Variants in PPL observed in about 807,000 individuals in gnomAD.
PPL encodes periplakin.
Under a neutral mutation model 194.4 loss-of-function variants are expected in PPL, and 198 were observed. The ratio of observed to expected loss-of-function variants is 1.02; its 90% confidence interval spans 0.91 to 1.15. The LOEUF is 1.15. Ranked by LOEUF, PPL falls within the 50% of genes most tolerant of loss-of-function variation. The pLI, the probability that PPL is intolerant of heterozygous loss-of-function variation, is 0.00. For synonymous variants in PPL, 1,220 were observed against 972.4 expected, an observed-to-expected ratio of 1.25 and a Z score of -4.74; for missense variants, 2,885 against 2,294.8, an observed-to-expected ratio of 1.26 and a Z score of -5.25.
At position 4,884,276 on chromosome 16, in the gene PPL, G is replaced by A. The variant is rs1435190993; in HGVS notation, c.4379C>T (p.Ala1460Val). The change falls in exon 22 of 22, where the codon GCC becomes GTC. Residue 1460 changes from alanine (A) to valine (V), a missense_variant. Ala to Val is a moderately conservative substitution (Grantham distance 64, BLOSUM62 0). Transcript: ENST00000345988. The surrounding 1 kb of genome is among the most constrained non-coding windows in gnomAD (Gnocchi z 5.7). ...QQDPQQAREH[A>V]LLRLQLEEEQ... Reference sequence around the variant, plus strand: ...TTCTTCCAGCTGGAGTCGGAGCAGGGCATGCTCTCGCGCCTGCTGCGGGTC... The same window carrying A: ...TTCTTCCAGCTGGAGTCGGAGCAGGACATGCTCTCGCGCCTGCTGCGGGTC... 1 of 1,612,728 alleles carries A rather than the reference G, an allele frequency of 6.2e-7. No homozygotes were observed. The highest frequency in any genetic ancestry group is 1.7e-5 in the Admixed American group (1 of 59,458).
At chr16:4,908,125 G>A (rs1042596573) in intron 2 of PPL, among the ~76,000 whole-genome samples, 2 of 140,994 alleles carry the variant, frequency 1.4e-5, no homozygotes, top group East Asian at 2.2e-4. Context: ...TAGCACCACT[G>A]CACTCCAGCC....
chr16:4,895,294 G>T lies in PPL; in HGVS notation c.1209C>A (p.Pro403=). The change falls in exon 11 of 22, where the codon CCC becomes CCA. Residue 403 remains proline, a synonymous_variant. Transcript: ENST00000345988. The part of the protein sequence containing the change: ...YRRETPLKPI[P]VEALCDFEGE... The stretch of plus-strand genomic sequence containing the variant: ...CCTCAAAGTCACAGAGTGCCTCCAC[G>T]GGGATGGGCTTGAGCGGAGTCTCCC... The T allele has an allele frequency of 6.8e-6, 11 of 1,611,808 alleles. No individual in the cohort carries two copies. The highest frequency in any genetic ancestry group is 3.3e-4 in the Middle Eastern group (2 of 6,046).
rs746717177 is a variant in PPL, at chr16:4,885,980, G to A, written c.2675C>T (p.Ala892Val). 3.1e-6 allele frequency: 5 copies of A among 1,612,792 alleles called. No individual in the cohort carries two copies. Among genetic ancestry groups the A allele is most frequent in the East Asian group, 2.2e-5 (1 of 44,898 alleles). ...ATCCAGTTCCTTCCTGATCTTCCAC[G>A]CCTCCTCCACTCCAGAGTCCGGCCT... ...RNRPDSGVEEAWKIRKELDEE... is the reference protein window; with the variant it reads ...RNRPDSGVEEVWKIRKELDEE... Residue 892 changes from alanine (A) to valine (V), a missense_variant, in exon 22 of 22, where the codon GCG (alanine) becomes GTG (valine). Transcript: ENST00000345988. This position sits in a 1 kb window ranked among gnomAD's most constrained non-coding sequence, Gnocchi z 6.3.
chr16:4,926,569 C>A (rs1298462681), intron 1 of PPL, among the ~76,000 whole-genome samples: 2 of 152,150 alleles, frequency 1.3e-5, no homozygotes, highest in Non-Finnish European at 2.9e-5. Context: ...GAAAAACACC[C>A]CAATGGGTAT....
chr16:4,926,720 A>C (rs1462198151), intron 1 of PPL, among the ~76,000 whole-genome samples: 2 of 152,062 alleles, frequency 1.3e-5, no homozygotes, highest in African/African-American at 2.4e-5. Context: ...CGATAAATAC[A>C]AAAACAAAAA....
intron 18 of PPL, among the ~76,000 whole-genome samples, 180 bp from the exon 19 acceptor site, chr16:4,889,241 G>GTTTTTTTTTTTTTTTTTTTTT (rs869094472): frequency 4.5e-5 from 3 of 66,636 alleles, no homozygotes; most frequent in African/African-American, 2.3e-4. Flanking sequence ...TGTTGTTGTT[G>GTTTTTTTTTTTTTTTTTTTTT]TTTTTTTTTT....
At position 4,883,254 on chromosome 16, in the gene PPL, G is replaced by A; in HGVS notation, c.*130C>T. The A allele has an allele frequency of 7.7e-7, 1 of 1,299,404 alleles. No individual in the cohort carries two copies. Among genetic ancestry groups the A allele is most frequent in the Non-Finnish European group, 1.1e-6 (1 of 936,536 alleles). The allele number at this position is 1,299,404 out of a possible 1,614,324, so 80.5% of individuals were successfully genotyped here. ...TCATATGTGGGCGGGACTCTGAGCA[G>A]CCTGGCAGCGAGGGTATGTATAAAA... On this transcript the variant is annotated 3_prime_UTR_variant, in exon 22 of 22. Coordinates refer to ENST00000345988, the MANE Select transcript of PPL (RefSeq NM_002705.5). This position sits in a 1 kb window ranked among gnomAD's most constrained non-coding sequence, Gnocchi z 4.8.
chr16:4,902,732 C>T lies in PPL; in HGVS notation c.318-206G>A, dbSNP rs796474080. Among the ~76,000 whole-genome samples, 8 of 151,618 alleles carry T rather than the reference C, an allele frequency of 5.3e-5. No individual in the cohort carries two copies. The highest frequency in any genetic ancestry group is 1.9e-4 in the African/African-American group (8 of 41,364). On this transcript the variant is annotated intron_variant, in intron 3 of 21. Transcript: ENST00000345988. This position sits in a 1 kb window ranked among gnomAD's most constrained non-coding sequence, Gnocchi z 4.0. ...TGAGACAGAGTCTTGCTCTGTCACC[C>T]AGGCTGGAGTACAGTGACGTCATCT...
chr16:4,897,477 G>A (rs921200135), intron 9 of PPL, among the ~76,000 whole-genome samples, 198 bp downstream of exon 9: 1 of 152,146 alleles, frequency 6.6e-6, no homozygotes, highest in Non-Finnish European at 1.5e-5. Flanking sequence ...GGTCCCCAGG[G>A]AAGTTGGACA....
intron 1 of PPL, among the ~76,000 whole-genome samples, chr16:4,921,713 C>T (rs550288065): frequency 1.1e-4 from 17 of 152,228 alleles, no homozygotes; most frequent in African/African-American, 3.9e-4. Flanking sequence ...GTGATCTGCC[C>T]GCCTCGGCCT....
At chr16:4,921,250 C>T (rs943114033) in intron 1 of PPL, among the ~76,000 whole-genome samples, 3 of 152,204 alleles carry the variant, frequency 2.0e-5, no homozygotes, top group African/African-American at 7.2e-5. Context: ...GGTTCCTCCT[C>T]GGAGTTCCAG....
In PPL at chr16:4,900,867, T is replaced by A; in HGVS notation, c.569A>T (p.Gln190Leu). The change falls in exon 6 of 22, where the codon CAG becomes CTG. Residue 190 changes from glutamine to leucine, a missense_variant. By Grantham distance (113) the Gln-to-Leu change is moderately radical. Coordinates refer to ENST00000345988, the MANE Select transcript of PPL (RefSeq NM_002705.5). ...PHLAKDGDKEQNSELRAKYQK... is the reference protein window; with the variant it reads ...PHLAKDGDKELNSELRAKYQK... Reference sequence around the variant, plus strand: ...GTACTTGGCCCGGAGTTCGCTGTTCTGCTCCTGAGGACAGAGCCGAGGGCA... The same window carrying A: ...GTACTTGGCCCGGAGTTCGCTGTTCAGCTCCTGAGGACAGAGCCGAGGGCA... 2 of 1,614,184 alleles carry A rather than the reference T, an allele frequency of 1.2e-6. No individual in the cohort carries two copies. Among genetic ancestry groups the A allele is most frequent in the Middle Eastern group, 3.3e-4 (2 of 6,062 alleles).
chr16:4,892,263 C>G, intron 14 of PPL, 50 bp from the exon 15 acceptor site: 1 of 1,571,112 alleles, frequency 6.4e-7, no homozygotes, highest in Non-Finnish European at 8.7e-7. Flanking sequence ...GCAGCCCCTT[C>G]CCCTGAGGAT....
At chr16:4,926,878 C>CGAAA (rs2089163498) in intron 1 of PPL, among the ~76,000 whole-genome samples, 2 of 81,752 alleles carry the variant, frequency 2.4e-5, no homozygotes, top group Non-Finnish European at 4.8e-5. Flanking sequence ...GACTCTGTCT[C>CGAAA]AAAAAAAAAA....
At chr16:4,900,932 C>T in intron 5 of PPL, 32 bp downstream of exon 5, 1 of 1,614,002 alleles carries the variant, frequency 6.2e-7, no homozygotes, top group Non-Finnish European at 8.5e-7. Flanking sequence ...CCCTCCATCC[C>T]TGGGTCCCCA....
At chr16:4,936,894 C>A (rs1431768930) in intron 1 of PPL, 90 bp downstream of exon 1, 2 of 1,322,662 alleles carry the variant, frequency 1.5e-6, no homozygotes, top group South Asian at 1.3e-5. Context: ...CCCGTACCCC[C>A]CATTCCTACA....
intron 2 of PPL, among the ~76,000 whole-genome samples, chr16:4,908,000 A>C (rs2088730820): frequency 6.6e-6 from 1 of 151,812 alleles, no homozygotes; most frequent in African/African-American, 2.4e-5. Context: ...CTGAAAATAA[A>C]TAAATAAATA....
At position 4,892,083 on chromosome 16, in the gene PPL, T is replaced by C; in HGVS notation, c.1781A>G (p.Asn594Ser). Reference protein sequence around the residue: ...PLLRTRVEDTNRKYEHLLQLL... With the variant: ...PLLRTRVEDTSRKYEHLLQLL... ...CTGCAGGAGGTGCTCGTATTTCCGGTTGGTGTCCTCCACCCGGGTCCTCAG... is the reference window on the plus strand; with the variant it reads ...CTGCAGGAGGTGCTCGTATTTCCGGCTGGTGTCCTCCACCCGGGTCCTCAG... Residue 594 changes from asparagine to serine, a missense_variant, in exon 15 of 22, where the codon AAC (asparagine) becomes AGC (serine). Transcript: ENST00000345988. The C allele has an allele frequency of 2.5e-6, 4 of 1,613,804 alleles. No homozygotes were observed. Among genetic ancestry groups the C allele is most frequent in the Non-Finnish European group, 3.4e-6 (4 of 1,180,002 alleles).
intron 9 of PPL, among the ~76,000 whole-genome samples, chr16:4,896,866 C>T (rs1052339622): frequency 2.6e-5 from 4 of 151,802 alleles, no homozygotes; most frequent in Admixed American, 6.6e-5. Context: ...AACTCCTGAC[C>T]TCAGGTGATC....
Sources: allele counts gnomAD v4.1 joint callset (sites outside exome capture counted in the v4.1 genomes callset), GRCh38; gene constraint gnomAD v4.1.1; non-coding constraint Gnocchi (gnomAD v3.1); transcripts MANE v1.5; gene names NCBI Gene and HGNC (gene_info 2026-07-23, HGNC 2026-07-21).